LUZP2: variants seen among roughly 807,000 people sequenced by gnomAD.
The protein encoded by LUZP2 is leucine zipper protein 2.
Under a neutral mutation model 51.6 loss-of-function variants are expected in LUZP2, and 52 were observed. The observed-to-expected ratio is 1.01, with a 90% CI of 0.81 to 1.27. The LOEUF is 1.27. LUZP2 is among the 50% of genes most tolerant of loss of function. The pLI is 0.00. For synonymous variants in LUZP2, 154 were observed against 137.3 expected (o/e 1.12, Z -0.85); for missense variants, 436 against 395.4 (o/e 1.10, Z -0.87).
intron 9 of LUZP2, among the ~76,000 whole-genome samples, chr11:25,035,702 A>G (rs185028247): frequency 9.1e-4 from 139 of 152,202 alleles, no homozygotes; most frequent in African/African-American, 3.1e-3. Context: ...TAAAATATAC[A>G]TCAATTTTAT....
chr11:24,702,130 A>T (rs1045750790), intron 1 of LUZP2, among the ~76,000 whole-genome samples: 2 of 152,194 alleles, frequency 1.3e-5, no homozygotes, highest in South Asian at 4.1e-4. Context: ...ACACTATTCA[A>T]TTGTGAATTG....
At chr11:24,536,662 C>G (rs1348767182) in intron 1 of LUZP2, among the ~76,000 whole-genome samples, 3 of 151,830 alleles carry the variant, frequency 2.0e-5, no homozygotes, top group Non-Finnish European at 4.4e-5. Context: ...CTATCCAGAT[C>G]ATTAAAACTT....
At chr11:24,978,839 G>T (rs1053826008) in intron 8 of LUZP2, among the ~76,000 whole-genome samples, 4 of 151,724 alleles carry the variant, frequency 2.6e-5, no homozygotes, top group African/African-American at 7.3e-5. Flanking sequence ...AGAGCTCAGG[G>T]TTAGTGTAGA....
At chr11:24,818,823 A>G (rs1013442787) in intron 5 of LUZP2, among the ~76,000 whole-genome samples, 10 of 151,946 alleles carry the variant, frequency 6.6e-5, no homozygotes, top group African/African-American at 2.4e-4. Flanking sequence ...TTAACTCCTA[A>G]TCATACATTT....
At chr11:24,571,361 G>C (rs978169729) in intron 1 of LUZP2, among the ~76,000 whole-genome samples, 1 of 139,656 alleles carries the variant, frequency 7.2e-6, no homozygotes, top group Non-Finnish European at 1.6e-5. Context: ...TTTTCCTCTG[G>C]TGAATACATT....
chr11:24,849,631 G>T (rs1201991225), intron 5 of LUZP2, among the ~76,000 whole-genome samples: 1 of 152,106 alleles, frequency 6.6e-6, no homozygotes, highest in African/African-American at 2.4e-5. Context: ...CATCCTTTGG[G>T]TATGTACCTA....
At chr11:24,528,048 T>C (rs1850870916) in intron 1 of LUZP2, among the ~76,000 whole-genome samples, 1 of 151,318 alleles carries the variant, frequency 6.6e-6, no homozygotes, top group African/African-American at 2.4e-5. Context: ...TTATTGAGAA[T>C]ATGGTTCAAC....
intron 5 of LUZP2, among the ~76,000 whole-genome samples, chr11:24,848,430 C>T (rs377705184): frequency 1.2e-4 from 19 of 152,274 alleles, no homozygotes; most frequent in African/African-American, 4.6e-4. Flanking sequence ...ATTACCTCTG[C>T]TCTTGTCTCA....
At chr11:25,042,576 C>G (rs183960542) in intron 9 of LUZP2, among the ~76,000 whole-genome samples, 1 of 152,096 alleles carries the variant, frequency 6.6e-6, no homozygotes, top group Non-Finnish European at 1.5e-5. Context: ...GTAACAAATA[C>G]CACAAACTTG....
intron 1 of LUZP2, among the ~76,000 whole-genome samples, chr11:24,626,585 A>AT (rs1390742549): frequency 2.0e-4 from 30 of 152,190 alleles, no homozygotes; most frequent in Admixed American, 2.0e-3. Context: ...CCAGAAATCA[A>AT]TGAAACACAC....
chr11:24,672,105 G>T (rs1255689771), intron 1 of LUZP2, among the ~76,000 whole-genome samples: 1 of 152,012 alleles, frequency 6.6e-6, no homozygotes, highest in Non-Finnish European at 1.5e-5. Flanking sequence ...GTACAATTTA[G>T]TTCTATACAA....
chr11:24,852,525 A>G (rs181918347), intron 5 of LUZP2, among the ~76,000 whole-genome samples: 4 of 152,228 alleles, frequency 2.6e-5, no homozygotes, highest in African/African-American at 9.6e-5. Context: ...TTTACTTCCA[A>G]TTATGTGGTC....
intron 5 of LUZP2, among the ~76,000 whole-genome samples, chr11:24,770,560 C>A (rs1860369881): frequency 6.6e-6 from 1 of 151,998 alleles, no homozygotes; most frequent in South Asian, 2.1e-4. Context: ...GATTTAATGT[C>A]CTTTTATATT....
At chr11:24,561,796 A>G (rs1187158190) in intron 1 of LUZP2, among the ~76,000 whole-genome samples, 1 of 137,438 alleles carries the variant, frequency 7.3e-6, no homozygotes, top group Non-Finnish European at 1.6e-5. Context: ...CGTTCTGCAC[A>G]TGCACCCCAG....
chr11:24,787,180 T>C (rs1432849800), intron 5 of LUZP2, among the ~76,000 whole-genome samples: 3 of 152,162 alleles, frequency 2.0e-5, no homozygotes, highest in Non-Finnish European at 4.4e-5. Context: ...TAAAGTAAGC[T>C]TATTTAAATG....
At chr11:24,532,038 TCAAA>T (rs1195260897) in intron 1 of LUZP2, among the ~76,000 whole-genome samples, 1 of 150,994 alleles carries the variant, frequency 6.6e-6, no homozygotes, top group Non-Finnish European at 1.5e-5. Flanking sequence ...ATGAACACTA[TCAAA>T]CAATCAGGGC....
chr11:24,633,964 GTATA>G (rs1554966093), intron 1 of LUZP2, among the ~76,000 whole-genome samples: 1 of 149,138 alleles, frequency 6.7e-6, no homozygotes, highest in Non-Finnish European at 1.5e-5. Context: ...GTGTGTGTGT[GTATA>G]TATAGTCTGT....
At chr11:25,020,600 G>A (rs1418463580) in intron 9 of LUZP2, among the ~76,000 whole-genome samples, 3 of 151,872 alleles carry the variant, frequency 2.0e-5, no homozygotes, top group Non-Finnish European at 4.4e-5. Context: ...GTTGTATATA[G>A]CAATAAATTG....
intron 7 of LUZP2, among the ~76,000 whole-genome samples, chr11:24,958,796 G>A (rs1373833896): frequency 1.3e-5 from 2 of 152,140 alleles, no homozygotes; most frequent in African/African-American, 4.8e-5. Flanking sequence ...TGTTGCCATT[G>A]CTTTTGGTGT....
Sources: gnomAD v4.1 joint callset for allele counts (sites outside exome capture counted in the v4.1 genomes callset) on GRCh38, gnomAD v4.1.1 for gene constraint, MANE v1.5 for transcripts, NCBI Gene and HGNC (gene_info 2026-07-23, HGNC 2026-07-21) for gene names.